DLG2: variants seen among roughly 807,000 people sequenced by gnomAD.
DLG2 encodes discs large MAGUK scaffold protein 2, also known as disks large homolog 2.
A neutral mutation model predicts 132.5 loss-of-function variants in DLG2; 45 were observed. The observed-to-expected ratio is 0.34, with a 90% confidence interval of 0.27 to 0.44. The LOEUF (loss-of-function observed/expected upper bound fraction) is 0.44. Among genes scored for constraint, DLG2 ranks in the 20% least tolerant of loss-of-function variants. The pLI is 1.00. For missense variants in DLG2, 1,045 were observed against 1,196.9 expected, an observed-to-expected ratio of 0.87 and a Z score of 1.87; for synonymous variants, 424 against 419.6, an observed-to-expected ratio of 1.01 and a Z score of -0.13.
At chr11:84,602,566 C>G (rs958910931) in intron 6 of DLG2, among the ~76,000 whole-genome samples, 2 of 151,954 alleles carry the variant, frequency 1.3e-5, no homozygotes, top group African/African-American at 4.8e-5. Flanking sequence ...GCTCTGTAAA[C>G]CATATACCAG....
At chr11:83,559,488 A>G (rs533605697) in intron 19 of DLG2, among the ~76,000 whole-genome samples, 22 of 152,302 alleles carry the variant, frequency 1.4e-4, no homozygotes, top group African/African-American at 5.3e-4. Flanking sequence ...AGGTGGCTGG[A>G]AATGAGAATT....
intron 6 of DLG2, among the ~76,000 whole-genome samples, chr11:84,910,507 A>T (rs2091955668): frequency 6.6e-6 from 1 of 152,186 alleles, no homozygotes; most frequent in Non-Finnish European, 1.5e-5. Context: ...CCCATTACAG[A>T]CAGACACAAA....
At chr11:84,858,591 G>A (rs766325212) in intron 6 of DLG2, among the ~76,000 whole-genome samples, 17 of 151,952 alleles carry the variant, frequency 1.1e-4, no homozygotes, top group African/African-American at 4.1e-4. Flanking sequence ...TTCCTCTTTA[G>A]AATCCCAAAC....
intron 7 of DLG2, among the ~76,000 whole-genome samples, chr11:84,498,814 C>T (rs1169524827): frequency 1.3e-5 from 2 of 152,112 alleles, no homozygotes; most frequent in African/African-American, 4.8e-5. Context: ...TATCAAAAAA[C>T]TTATTTGTAA....
intron 6 of DLG2, among the ~76,000 whole-genome samples, chr11:84,717,866 T>A (rs2061397879): frequency 1.3e-5 from 2 of 152,082 alleles, no homozygotes; most frequent in African/African-American, 4.8e-5. Flanking sequence ...AATGACATAG[T>A]AATATATACT....
intron 19 of DLG2, among the ~76,000 whole-genome samples, chr11:83,563,646 G>A (rs956675602): frequency 1.3e-4 from 20 of 152,150 alleles, no homozygotes; most frequent in Non-Finnish European, 1.5e-4. Context: ...GCATTATCTC[G>A]AGTTCTCAAG....
chr11:84,798,461 C>T (rs570185182), intron 6 of DLG2, among the ~76,000 whole-genome samples: 1 of 152,200 alleles, frequency 6.6e-6, no homozygotes, highest in African/African-American at 2.4e-5. Flanking sequence ...ACCACCACCA[C>T]TGGCCCATGG....
At chr11:85,039,408 T>A in intron 6 of DLG2, among the ~76,000 whole-genome samples, 2 of 152,036 alleles carry the variant, frequency 1.3e-5, no homozygotes, top group Admixed American at 1.3e-4. Flanking sequence ...TGAGGCAATA[T>A]AGCATAGTTA....
rs138389928 is a variant in DLG2, at chr11:84,692,729, C to T, written c.358-157998G>A. Among the ~76,000 whole-genome samples, 286 of 151,746 alleles carry T rather than the reference C, an allele frequency of 1.9e-3. 2 individuals are homozygous for T. Among genetic ancestry groups the T allele is most frequent in the African/African-American group, 6.8e-3 (280 of 41,454 alleles). ...CTTTCACAATCATTATGATTCTTAA[C>T]CAGGCTTCACTGGCCACTATGTTAG... On this transcript the variant is annotated intron_variant, in intron 6 of 27. Transcript: ENST00000376104.
At chr11:83,507,670 T>G (rs980909344) in intron 21 of DLG2, among the ~76,000 whole-genome samples, 3 of 145,572 alleles carry the variant, frequency 2.1e-5, no homozygotes, top group African/African-American at 7.5e-5. Flanking sequence ...CCCCTGCATC[T>G]TTTAAGTCCT....
intron 16 of DLG2, among the ~76,000 whole-genome samples, chr11:83,834,335 T>A (rs1438660282): frequency 6.6e-6 from 1 of 152,128 alleles, no homozygotes; most frequent in East Asian, 1.9e-4. Flanking sequence ...ACAGATATGA[T>A]CGGAGGTGGG....
intron 3 of DLG2, among the ~76,000 whole-genome samples, chr11:85,564,287 CT>C (rs2077413731): frequency 6.6e-6 from 1 of 151,708 alleles, no homozygotes; most frequent in Non-Finnish European, 1.5e-5. Context: ...TTCCTTTTTA[CT>C]TTTTTTCATG....
chr11:83,537,658 T>A (rs1318030977), intron 20 of DLG2, among the ~76,000 whole-genome samples: 1 of 151,242 alleles, frequency 6.6e-6, no homozygotes, highest in Non-Finnish European at 1.5e-5. Flanking sequence ...CTCCTAAAAA[T>A]ACAAAAATTA....
chr11:84,335,465 T>C (rs2098480184), intron 7 of DLG2, among the ~76,000 whole-genome samples: 1 of 152,224 alleles, frequency 6.6e-6, no homozygotes, highest in Non-Finnish European at 1.5e-5. Context: ...GCAAGTAGGT[T>C]GACAATACTG....
At chr11:83,481,837 TTTACTTTTTAAATTTGTTCAA>T (rs1331502486) in intron 22 of DLG2, among the ~76,000 whole-genome samples, 1 of 152,090 alleles carries the variant, frequency 6.6e-6, no homozygotes, top group Non-Finnish European at 1.5e-5. Context: ...GTTGCGAAGT[TTTACTTTTTAAATTTGTTCAA>T]TTTTTAAAGA....
At chr11:83,890,679 A>C (rs1479801457) in intron 15 of DLG2, among the ~76,000 whole-genome samples, 1 of 152,226 alleles carries the variant, frequency 6.6e-6, no homozygotes, top group African/African-American at 2.4e-5. Context: ...CTGATGGGGA[A>C]AATAAAGCAG....
Position 83,596,661 on chromosome 11 carries a change from G to T in DLG2, c.1940+36550C>A, listed in dbSNP as rs77702347. Among the ~76,000 whole-genome samples the T allele has an allele frequency of 3.6e-3, 543 of 152,202 alleles. 2 individuals are homozygous for T. Among genetic ancestry groups the T allele is most frequent in the African/African-American group, 0.012 (510 of 41,518 alleles). On this transcript the variant is annotated intron_variant, in intron 19 of 27. Coordinates refer to ENST00000376104, the MANE Select transcript of DLG2 (RefSeq NM_001142699.3). Reference sequence around the variant, plus strand: ...CCAAGTTACTTTACATGATATTCAAGATTCCATTCACCTGAACCTAATCTA... The same window carrying T: ...CCAAGTTACTTTACATGATATTCAATATTCCATTCACCTGAACCTAATCTA...
chr11:85,226,266 G>GGATGGATA (rs199587221), intron 4 of DLG2, among the ~76,000 whole-genome samples: 3,005 of 151,936 alleles, frequency 0.02, 58 homozygotes, highest in Admixed American at 0.037. Flanking sequence ...ATGGATGGAT[G>GGATGGATA]GATGGATGGA....
chr11:83,860,967 C>T (rs550343406), intron 16 of DLG2, among the ~76,000 whole-genome samples: 1 of 152,286 alleles, frequency 6.6e-6, no homozygotes, highest in South Asian at 2.1e-4. Flanking sequence ...ACTTGCTACT[C>T]CTTGCCTTCC....
Sources: gnomAD v4.1 joint callset for allele counts (sites outside exome capture counted in the v4.1 genomes callset) on GRCh38, gnomAD v4.1.1 for gene constraint, MANE v1.5 for transcripts, NCBI Gene and HGNC (gene_info 2026-07-23, HGNC 2026-07-21) for gene names.